Variants in GK5 observed in about 807,000 individuals in gnomAD.
GK5 encodes the protein ATP:glycerol 3-phosphotransferase 5.
Under a neutral mutation model 77.3 loss-of-function variants are expected in GK5, and 39 were observed. The observed-to-expected ratio is 0.50, with a 90% confidence interval of 0.39 to 0.66. The LOEUF is 0.66. GK5 is among the 30% of genes least tolerant of loss of function. The probability of loss-of-function intolerance (pLI) is 0.00; values close to 1 mark genes in which losing one functional copy is unlikely to be tolerated. For missense variants in GK5, 487 were observed against 633.8 expected, an observed-to-expected ratio of 0.77 and a Z score of 2.49; for synonymous variants, 211 against 208.0, an observed-to-expected ratio of 1.01 and a Z score of -0.13.
At chr3:142,209,162 T>A (rs561577640) in intron 3 of GK5, among the ~76,000 whole-genome samples, 284 of 145,292 alleles carry the variant, frequency 2.0e-3, no homozygotes, top group African/African-American at 6.3e-3. Context: ...AAAAAAAAAA[T>A]GGATAAATAG....
At chr3:142,173,683 CAAAACA>C (rs71153944) in intron 12 of GK5, among the ~76,000 whole-genome samples, 35,929 of 149,840 alleles carry the variant, frequency 0.24, 4,673 homozygotes, top group African/African-American at 0.35. Context: ...GACTCCGTCT[CAAAACA>C]AAAACAAAAA....
intron 3 of GK5, among the ~76,000 whole-genome samples, chr3:142,209,740 T>A (rs187081042): frequency 1.3e-4 from 20 of 152,292 alleles, no homozygotes; most frequent in Admixed American, 1.2e-3. Flanking sequence ...ATAATGAGAT[T>A]GTAAATTAGG....
intron 3 of GK5, among the ~76,000 whole-genome samples, chr3:142,206,955 C>T (rs113749883): frequency 5.3e-5 from 8 of 152,146 alleles, no homozygotes; most frequent in African/African-American, 1.9e-4. Flanking sequence ...TGTAGGGAGA[C>T]CCCCTGAAAC....
At position 142,186,254 on chromosome 3, in the gene GK5, C is replaced by G; in HGVS notation, c.695G>C (p.Gly232Ala). 1 of 1,603,348 alleles carries G rather than the reference C, an allele frequency of 6.2e-7. No individual in the cohort carries two copies. The highest frequency in any genetic ancestry group is 8.5e-7 in the Non-Finnish European group (1 of 1,170,526). Reference sequence around the variant, plus strand: ...TATCGAAATTAGAGAGGTAATCATCCCACTCCAACACATCTGAGCATAAAA... The same window carrying G: ...TATCGAAATTAGAGAGGTAATCATCGCACTCCAACACATCTGAGCATAAAA... ...LFDPYKMCWS[G>A]MITSLISIPL... Residue 232 changes from glycine to alanine, a missense_variant, in exon 8 of 16, where the codon GGG (glycine) becomes GCG (alanine). Coordinates refer to ENST00000392993, the MANE Select transcript of GK5 (RefSeq NM_001039547.3).
intron 1 of GK5, 35 bp downstream of exon 1, chr3:142,225,274 G>T (rs1427723356): frequency 1.3e-6 from 2 of 1,509,548 alleles, no homozygotes; most frequent in Non-Finnish European, 1.8e-6. Context: ...GCGAAACCCA[G>T]TCAGACCCGC....
At position 142,162,749 on chromosome 3, in the gene GK5, GC is replaced by G. The variant is rs1270915634; in HGVS notation, c.*2872del. Reference sequence around the variant, plus strand: ...ATGGTGGCTCACGCCTGTAATCCTAGCACTTTGGGAGGCCGAGGTGGGTGGG... The same window carrying G: ...ATGGTGGCTCACGCCTGTAATCCTAGACTTTGGGAGGCCGAGGTGGGTGGG... On this transcript the variant is annotated 3_prime_UTR_variant, in exon 16 of 16. Transcript: ENST00000392993. 1 of 152,216 alleles carries G rather than the reference GC, an allele frequency of 6.6e-6. No homozygotes were observed. The allele number at this position is 152,216 out of a possible 1,614,324, so 9.4% of individuals were successfully genotyped here.
intron 5 of GK5, among the ~76,000 whole-genome samples, chr3:142,192,429 T>C (rs2063865302): frequency 1.3e-5 from 2 of 152,220 alleles, no homozygotes; most frequent in South Asian, 2.1e-4. Context: ...GTTTTATTCA[T>C]AATTGCCAAA....
In GK5 at chr3:142,158,848, G is replaced by T. The variant is rs1453865891; in HGVS notation, c.*6774C>A. 1 of 151,990 alleles carries T rather than the reference G, an allele frequency of 6.6e-6. No homozygotes were observed. The highest frequency in any genetic ancestry group is 1.5e-5 in the Non-Finnish European group (1 of 68,002). 9.4% of individuals were successfully genotyped at this position (151,990 alleles called of 1,614,324 possible). A position where few individuals can be genotyped will look rare whatever the true frequency, so the allele number is the denominator to read the frequency against. ...GTATACTCTAACATTCTAAATAAAG[G>T]TATCTTTGAAAATTTACTATTATAC... On this transcript the variant is annotated 3_prime_UTR_variant, in exon 16 of 16. Transcript: ENST00000392993.
chr3:142,185,194 C>G (rs1311334671), intron 9 of GK5: 1 of 784,878 alleles, frequency 1.3e-6, no homozygotes, highest in Non-Finnish European at 1.5e-6. Flanking sequence ...GGCAGAAGGC[C>G]CCAGTCTAGG....
chr3:142,216,124 A>G (rs1020121632), intron 1 of GK5, among the ~76,000 whole-genome samples: 1 of 152,166 alleles, frequency 6.6e-6, no homozygotes, highest in Non-Finnish European at 1.5e-5. Flanking sequence ...GGACTCTTAA[A>G]AAGTATATGG....
At chr3:142,169,849 T>A (rs1350559252) in intron 15 of GK5, among the ~76,000 whole-genome samples, 1 of 152,034 alleles carries the variant, frequency 6.6e-6, no homozygotes, top group Non-Finnish European at 1.5e-5. Context: ...ATTTTTGAAC[T>A]TTTAGTCCAG....
intron 5 of GK5, among the ~76,000 whole-genome samples, chr3:142,190,296 T>G (rs1367816422): frequency 6.6e-6 from 1 of 152,068 alleles, no homozygotes; most frequent in East Asian, 1.9e-4. Context: ...CTTAAAAATG[T>G]ACAAGAGGGG....
At position 142,159,853 on chromosome 3, in the gene GK5, C is replaced by CTCTTTTTTTTTTTTTTTTTTTTTT. The variant is rs1553825247; in HGVS notation, c.*5768_*5769insAAAAAAAAAAAAAAAAAAAAAAGA. 9 of 106,122 alleles carry CTCTTTTTTTTTTTTTTTTTTTTTT rather than the reference C, an allele frequency of 8.5e-5. No individual in the cohort carries two copies. The highest frequency in any genetic ancestry group is 9.7e-5 in the Admixed American group (1 of 10,262). The allele number at this position is 106,122 out of a possible 1,614,324, so 6.6% of individuals were successfully genotyped here. A position where few individuals can be genotyped will look rare whatever the true frequency, so the allele number is the denominator to read the frequency against. On this transcript the variant is annotated 3_prime_UTR_variant, in exon 16 of 16. Transcript: ENST00000392993. ...TTTCTCTCTCTCTCTCTCTCTCTCT[C>CTCTTTTTTTTTTTTTTTTTTTTTT]TTTTTTTTTTTTGAGACAGAGTCTC...
At chr3:142,173,088 C>T (rs1184928951) in intron 12 of GK5, 6 of 368,416 alleles carry the variant, frequency 1.6e-5, no homozygotes, top group Admixed American at 3.5e-5. Flanking sequence ...GTAGTTACAG[C>T]TACTTGGGAG....
intron 5 of GK5, among the ~76,000 whole-genome samples, chr3:142,195,794 A>C (rs1247123531): frequency 1.3e-5 from 2 of 152,236 alleles, no homozygotes; most frequent in African/African-American, 4.8e-5. Context: ...TAATGGAAGT[A>C]TAATCCACTC....
intron 12 of GK5, among the ~76,000 whole-genome samples, chr3:142,174,608 A>C (rs996472531): frequency 2.6e-5 from 4 of 152,222 alleles, no homozygotes; most frequent in African/African-American, 9.7e-5. Context: ...CAGACATCCT[A>C]GTCACTCACA....
At chr3:142,191,137 G>A (rs965309953) in intron 5 of GK5, among the ~76,000 whole-genome samples, 3 of 151,766 alleles carry the variant, frequency 2.0e-5, no homozygotes, top group South Asian at 2.1e-4. Flanking sequence ...CCACCTCCCC[G>A]GTTCAAAAGA....
chr3:142,177,999 C>A (rs1180340785), intron 11 of GK5, among the ~76,000 whole-genome samples: 4 of 151,872 alleles, frequency 2.6e-5, no homozygotes, highest in Non-Finnish European at 4.4e-5. Context: ...GCTAGGATTA[C>A]AAGCATGTGC....
At chr3:142,212,824 A>T (rs188750237) in intron 3 of GK5, among the ~76,000 whole-genome samples, 2,702 of 129,894 alleles carry the variant, frequency 0.021, 80 homozygotes, top group African/African-American at 0.075. Flanking sequence ...ATAGACAAAT[A>T]TTTTCTTTTT....
Sources: gnomAD v4.1 joint callset for allele counts (sites outside exome capture counted in the v4.1 genomes callset) on GRCh38, gnomAD v4.1.1 for gene constraint, MANE v1.5 for transcripts, NCBI Gene and HGNC (gene_info 2026-07-23, HGNC 2026-07-21) for gene names.